Variants in DLL3 observed in about 807,000 individuals in gnomAD.
The protein encoded by DLL3 is delta like canonical Notch ligand 3.
A neutral mutation model predicts 55.0 loss-of-function variants in DLL3; 49 were observed. The observed-to-expected ratio is 0.89, with a 90% CI of 0.71 to 1.13. DLL3 has a LOEUF of 1.13. Ranked by LOEUF, DLL3 falls within the 50% of genes most tolerant of loss-of-function variation. The pLI is 0.00. For synonymous variants in DLL3, 421 were observed against 385.2 expected, an observed-to-expected ratio of 1.09 and a Z score of -1.09; for missense variants, 962 against 875.5, an observed-to-expected ratio of 1.10 and a Z score of -1.25.
Position 39,499,129 on chromosome 19 carries a change from G to T in DLL3, c.70-63G>T. 5.6e-6 allele frequency: 9 copies of T among 1,610,766 alleles called. No homozygotes were observed. In the South Asian group the frequency reaches 6.6e-5, roughly 12 times the overall value. ...GACCTGAAGGTCCTGGGGAAGGAGC[G>T]TGGGGCGGACGGGAAGCCTGGGTCC... On this transcript the variant is annotated intron_variant, in intron 1 of 8. Transcript: ENST00000356433.
intron 7 of DLL3, 85 bp downstream of exon 7, chr19:39,507,703 T>C: frequency 1.3e-6 from 2 of 1,592,132 alleles, no homozygotes; most frequent in South Asian, 1.1e-5. Context: ...GATTCCTTGA[T>C]GCATTTCCCT....
At chr19:39,503,966 A>G in intron 4 of DLL3, 105 bp from the exon 5 acceptor site, 5 of 1,063,738 alleles carry the variant, frequency 4.7e-6, no homozygotes, top group Non-Finnish European at 7.1e-6. Flanking sequence ...AGATGAAGCA[A>G]GGTGGCTCAG....
At chr19:39,506,038 C>T (rs2079638544) in intron 6 of DLL3, among the ~76,000 whole-genome samples, 1 of 152,004 alleles carries the variant, frequency 6.6e-6, no homozygotes, top group South Asian at 2.1e-4. Flanking sequence ...TGGTGAAACC[C>T]CGTCTCTACT....
intron 6 of DLL3, 124 bp downstream of exon 6, chr19:39,505,575 C>G (rs758572049): frequency 5.8e-5 from 56 of 966,542 alleles, no homozygotes; most frequent in Non-Finnish European, 7.4e-5. Flanking sequence ...GACCTTCCAC[C>G]TGCAAGCCTG....
At chr19:39,505,153 G>A in intron 5 of DLL3, 76 bp from the exon 6 acceptor site, 1 of 1,479,190 alleles carries the variant, frequency 6.8e-7, no homozygotes, top group Non-Finnish European at 9.4e-7. Flanking sequence ...GCAGCCCCCA[G>A]TGGTTAGGAC....
At position 39,507,248 on chromosome 19, in the gene DLL3, G is replaced by GCGCGCCC; in HGVS notation, c.1305_1311dup (p.Cys438AlafsTer30). On this transcript the variant is annotated frameshift_variant, in exon 7 of 9. Transcript: ENST00000356433. LOFTEE classifies it high-confidence loss of function. ...CCGCGAGCGCGCGGACCCGTGCGCC[G>GCGCGCCC]CGCGCCCCTGTGCTCACGGCGGCCG... 1.3e-6 allele frequency: 2 copies of GCGCGCCC among 1,506,824 alleles called. No individual in the cohort carries two copies. The highest frequency in any genetic ancestry group is 1.8e-6 in the Non-Finnish European group (2 of 1,135,010). 93.3% of individuals were successfully genotyped at this position (1,506,824 alleles called of 1,614,324 possible).
chr19:39,505,885 TGAG>T (rs975832844), intron 6 of DLL3, among the ~76,000 whole-genome samples: 4 of 152,074 alleles, frequency 2.6e-5, no homozygotes, highest in Non-Finnish European at 5.9e-5. Context: ...AGGAAGGTTC[TGAG>T]GAGAGAAGAG....
chr19:39,505,262 C>T lies in DLL3; in HGVS notation c.904C>T (p.Arg302Cys), dbSNP rs538488581. ...TPRSFECTCP[R>C]GFYGLRCEVS... ...CAGGTCCTTTGAATGCACCTGCCCG[C>T]GTGGGTTCTACGGGCTGCGGTGTGA... Residue 302 changes from arginine to cysteine, a missense_variant, in exon 6 of 9, where the codon CGT (arginine) becomes TGT (cysteine). Arg to Cys is a radical substitution (Grantham distance 180, BLOSUM62 -3). Coordinates refer to ENST00000356433, the MANE Select transcript of DLL3 (RefSeq NM_203486.3). 42 of 1,614,152 alleles carry T rather than the reference C, an allele frequency of 2.6e-5. No individual in the cohort carries two copies. Among genetic ancestry groups the T allele is most frequent in the South Asian group, 1.8e-4 (16 of 91,082 alleles).
chr19:39,502,746 G>A lies in DLL3; in HGVS notation c.410-69G>A, dbSNP rs1481756362. The A allele has an allele frequency of 9.3e-6, 12 of 1,289,556 alleles. No homozygotes were observed. In the East Asian group the frequency reaches 1.9e-4, roughly 20 times the overall value. The allele number at this position is 1,289,556 out of a possible 1,614,324, so 79.9% of individuals were successfully genotyped here. Reference sequence around the variant, plus strand: ...TGGGAGGGGCGGGGAGAATGCGGCCGGGGCGCTCCGTATGCATCCATGTTC... The same window carrying A: ...TGGGAGGGGCGGGGAGAATGCGGCCAGGGCGCTCCGTATGCATCCATGTTC... On this transcript the variant is annotated intron_variant, in intron 3 of 8. Transcript: ENST00000356433.
chr19:39,508,045 C>T, intron 8 of DLL3, 131 bp downstream of exon 8: 4 of 1,604,474 alleles, frequency 2.5e-6, no homozygotes, highest in Non-Finnish European at 3.4e-6. Context: ...GTTTTAAGCC[C>T]ATTTTCAGTT....
Position 39,498,950 on chromosome 19 carries a change from C to T in DLL3, c.-25C>T. On this transcript the variant is annotated 5_prime_UTR_variant, in exon 1 of 9. Coordinates refer to ENST00000356433, the MANE Select transcript of DLL3 (RefSeq NM_203486.3). ...GGCTTGGAAGCCAGCAGCTGCGACT[C>T]CCGAGACCCCCCCACCAGAAGGCCA... 1.2e-6 allele frequency: 2 copies of T among 1,613,452 alleles called. No homozygotes were observed. The highest frequency in any genetic ancestry group is 1.7e-6 in the Non-Finnish European group (2 of 1,179,856).
Position 39,499,001 on chromosome 19 carries a change from C to T in DLL3, c.27C>T (p.Leu9=), listed in dbSNP as rs2144754961. The change falls in exon 1 of 9, where the codon CTC becomes CTT. Residue 9 remains leucine, a synonymous_variant. Coordinates refer to ENST00000356433, the MANE Select transcript of DLL3 (RefSeq NM_203486.3). ...TGGTCTCCCCACGGATGTCCGGGCT[C>T]CTCTCCCAGACTGTGATCCTAGCGC... MVSPRMSG[L]LSQTVILALI... The T allele has an allele frequency of 3.1e-6, 5 of 1,614,054 alleles. No homozygotes were observed. The highest frequency in any genetic ancestry group is 4.2e-6 in the Non-Finnish European group (5 of 1,180,008).
Position 39,507,218 on chromosome 19 carries a change from G to C in DLL3, c.1273G>C (p.Asp425His). 7 of 1,354,698 alleles carry C rather than the reference G, an allele frequency of 5.2e-6. No individual in the cohort carries two copies. The highest frequency in any genetic ancestry group is 6.6e-6 in the Non-Finnish European group (7 of 1,062,426). The allele number at this position is 1,354,698 out of a possible 1,614,324, so 83.9% of individuals were successfully genotyped here. A position where few individuals can be genotyped will look rare whatever the true frequency, so the allele number is the denominator to read the frequency against. The change falls in exon 7 of 9, where the codon GAC (aspartate) becomes CAC (histidine). Residue 425 changes from aspartate to histidine, a missense_variant. Asp to His is a moderately conservative substitution (Grantham distance 81). Coordinates refer to ENST00000356433, the MANE Select transcript of DLL3 (RefSeq NM_203486.3). ...CTGCGCGCTGGGCTTCGGCGGCCGCGACTGCCGCGAGCGCGCGGACCCGTG... is the reference window on the plus strand; with the variant it reads ...CTGCGCGCTGGGCTTCGGCGGCCGCCACTGCCGCGAGCGCGCGGACCCGTG... ...CSCALGFGGR[D>H]CRERADPCAA...
intron 3 of DLL3, among the ~76,000 whole-genome samples, chr19:39,500,909 G>A (rs747010075): frequency 6.6e-6 from 1 of 152,108 alleles, no homozygotes; most frequent in Non-Finnish European, 1.5e-5. Flanking sequence ...AGGCTCCAGA[G>A]CAGAGTGTAG....
chr19:39,502,364 G>C (rs2079614484), intron 3 of DLL3, among the ~76,000 whole-genome samples: 1 of 151,754 alleles, frequency 6.6e-6, no homozygotes, highest in South Asian at 2.1e-4. Context: ...CTGGGTGCAA[G>C]TGATTCTCCT....
intron 1 of DLL3, 37 bp downstream of exon 1, chr19:39,499,080 A>G (rs1350252026): frequency 6.2e-7 from 1 of 1,613,968 alleles, no homozygotes; most frequent in Admixed American, 1.7e-5. Context: ...GAAAGGGATG[A>G]ATGCGGAGGG....
In DLL3 at chr19:39,504,079, C is replaced by G. The variant is rs200275281; in HGVS notation, c.661C>G (p.Arg221Gly). The G allele has an allele frequency of 4.4e-5, 71 of 1,613,292 alleles. 1 individual carries two copies. In the Admixed American group the frequency reaches 9.2e-4, roughly 21 times the overall value. The change falls in exon 5 of 9, where the codon CGA becomes GGA. Residue 221 changes from arginine (R) to glycine (G), a missense_variant. Transcript: ENST00000356433. ...CTCTCTGTCCCCCATAGTGGTGTGCCGAGCAGGCTGCAGCCCTGAGCATGG... is the reference window on the plus strand; with the variant it reads ...CTCTCTGTCCCCCATAGTGGTGTGCGGAGCAGGCTGCAGCCCTGAGCATGG... ...EDECEAPLVC[R>G]AGCSPEHGFC...
intron 3 of DLL3, 53 bp downstream of exon 3, chr19:39,500,725 C>CG: frequency 6.6e-7 from 1 of 1,523,504 alleles, no homozygotes; most frequent in Non-Finnish European, 9.1e-7. Context: ...ACGTGAGACA[C>CG]GGGGTTGGTG....
chr19:39,502,779 C>A, intron 3 of DLL3, 36 bp from the exon 4 acceptor site: 2 of 1,351,988 alleles, frequency 1.5e-6, no homozygotes, highest in Non-Finnish European at 1.9e-6. Context: ...TTCGGCCGGG[C>A]CCACCCCAGC....
Sources: allele counts gnomAD v4.1 joint callset (sites outside exome capture counted in the v4.1 genomes callset), GRCh38; gene constraint gnomAD v4.1.1; transcripts MANE v1.5; gene names NCBI Gene and HGNC (gene_info 2026-07-23, HGNC 2026-07-21).